Variants in THBS4 observed in about 807,000 individuals in gnomAD.
The protein encoded by THBS4 is thrombospondin-4.
THBS4 carries 90 observed loss-of-function variants against 115.7 expected under a neutral mutation model. That is an observed-to-expected ratio of 0.78 (90% CI 0.66 to 0.93). The LOEUF is 0.93. Ranked by LOEUF, THBS4 falls within the 40% of genes least tolerant of loss-of-function variation. The pLI is 0.00. For missense variants in THBS4, 1,087 were observed against 1,232.7 expected (o/e 0.88, Z 1.77); for synonymous variants, 460 against 479.3 (o/e 0.96, Z 0.53).
rs1489654407 is a variant in THBS4, at chr5:80,083,094, G to A, written c.2839G>A (p.Asp947Asn). The change falls in exon 22 of 22, where the codon GAC becomes AAC. Residue 947 changes from aspartate (D) to asparagine (N), a missense_variant. By Grantham distance (23) the Asp-to-Asn change is conservative (BLOSUM62 1). This residue lies in a region of THBS4 where 103 missense variants were observed against 108.2 expected (regional missense o/e 0.95). Coordinates refer to ENST00000350881, the MANE Select transcript of THBS4 (RefSeq NM_003248.6). The stretch of plus-strand genomic sequence containing the variant: ...TCCTATTGCAGACACCATCCCTGAG[G>A]ACTTCCAAGAGTTTCAAACCCAGAA... Reference protein sequence around the residue: ...KYRCNDTIPEDFQEFQTQNFD... With the variant: ...KYRCNDTIPENFQEFQTQNFD... The A allele has an allele frequency of 6.2e-7, 1 of 1,613,948 alleles. No individual in the cohort carries two copies. Among genetic ancestry groups the A allele is most frequent in the Admixed American group, 1.7e-5 (1 of 60,022 alleles).
At chr5:80,032,824 G>C (rs891178318), upstream of THBS4, among the ~76,000 whole-genome samples, 14 of 152,280 alleles carry the variant, frequency 9.2e-5, no homozygotes, top group South Asian at 2.5e-3. Context: ...CCAGTCCACT[G>C]ACTCAGGTGT....
intron 2 of THBS4, among the ~76,000 whole-genome samples, chr5:80,007,640 T>A (rs1181708329): frequency 6.6e-6 from 1 of 152,144 alleles, no homozygotes; most frequent in Non-Finnish European, 1.5e-5. Context: ...CTTCTTGGGG[T>A]CCATCTGCCT....
intron 2 of THBS4, among the ~76,000 whole-genome samples, chr5:80,050,156 C>A (rs771642562): frequency 6.6e-6 from 1 of 152,176 alleles, no homozygotes; most frequent in Non-Finnish European, 1.5e-5. Context: ...GTACCTGGAA[C>A]CGCCCAGTGG....
In THBS4 at chr5:80,039,998, AC is replaced by A. The variant is rs546785395; in HGVS notation, c.89-71del. The A allele has an allele frequency of 1.4e-3, 1,643 of 1,190,978 alleles. 6 individuals are homozygous for A. The African/African-American group carries it at 0.016, about 11-fold the overall frequency. The allele number at this position is 1,190,978 out of a possible 1,614,324, so 73.8% of individuals were successfully genotyped here. On this transcript the variant is annotated intron_variant, in intron 1 of 21. Coordinates refer to ENST00000350881, the MANE Select transcript of THBS4 (RefSeq NM_003248.6). ...ACTTTGTAGCTTACTGTCAAATTGC[AC>A]CCCCCCCAAACAAAGAAACCCTGTT...
intron 10 of THBS4, 45 bp from the exon 11 acceptor site, chr5:80,070,261 G>C (rs767756198): frequency 6.6e-7 from 1 of 1,505,656 alleles, no homozygotes; most frequent in South Asian, 1.3e-5. Context: ...CCAGCTTCCT[G>C]CCAGGCTCAG....
chr5:79,993,705 C>A (rs1010608057), intron 1 of THBS4, among the ~76,000 whole-genome samples: 1 of 152,202 alleles, frequency 6.6e-6, no homozygotes, highest in African/African-American at 2.4e-5. Context: ...CCATACCCAT[C>A]CTTCATGTGT....
chr5:80,058,254 G>A lies in THBS4; in HGVS notation c.589G>A (p.Val197Met). 6.3e-7 allele frequency: 1 copy of A among 1,579,366 alleles called. No homozygotes were observed. Among genetic ancestry groups the A allele is most frequent in the Non-Finnish European group, 8.6e-7 (1 of 1,161,348 alleles). The change falls in exon 4 of 22, where the codon GTG becomes ATG. Residue 197 changes from valine to methionine, a missense_variant. Val to Met is a conservative substitution (Grantham distance 21). Coordinates refer to ENST00000350881, the MANE Select transcript of THBS4 (RefSeq NM_003248.6). ...GGTGGTGAGAGGCTCACTGTTCCAG[G>A]TGGCCAGCCTGCAAGACTGCTTCCT... Reference protein sequence around the residue: ...KLVVRGSLFQVASLQDCFLQQ... With the variant: ...KLVVRGSLFQMASLQDCFLQQ...
Position 80,079,273 on chromosome 5 carries a change from A to T in THBS4, c.2511+15A>T. ...TTCAGCTCAAGGTATTGGTGGTTTG[A>T]AGTCATTCATCTCCCTTTCTTCTGG... On this transcript the variant is annotated intron_variant, in intron 19 of 21. Transcript: ENST00000350881. The T allele has an allele frequency of 8.9e-6, 14 of 1,581,572 alleles. No homozygotes were observed. Among genetic ancestry groups the T allele is most frequent in the Non-Finnish European group, 1.1e-5 (13 of 1,162,926 alleles).
At chr5:80,057,451 C>T (rs1489626696) in intron 3 of THBS4, among the ~76,000 whole-genome samples, 1 of 152,172 alleles carries the variant, frequency 6.6e-6, no homozygotes, top group Non-Finnish European at 1.5e-5. Context: ...TTTCCTGACT[C>T]TGCGGAGATT....
chr5:80,003,879 A>T (rs1381952868), intron 2 of THBS4, among the ~76,000 whole-genome samples: 2 of 152,220 alleles, frequency 1.3e-5, no homozygotes, highest in Non-Finnish European at 2.9e-5. Context: ...GAAGCTCTTC[A>T]TGTATCCCGG....
Position 80,061,785 on chromosome 5 carries a change from C to A in THBS4, c.1078C>A (p.Pro360Thr), listed in dbSNP as rs756687471. The A allele has an allele frequency of 1.9e-6, 3 of 1,613,946 alleles. 1 individual carries two copies. The South Asian group carries it at 3.3e-5, about 18-fold the overall frequency. ...CDACPVGFTGPMVQGVGISFA... is the reference protein window; with the variant it reads ...CDACPVGFTGTMVQGVGISFA... ...CGCCTGCCCAGTGGGCTTCACAGGGCCCATGGTGCAGGGTGTTGGGATCAG... is the reference window on the plus strand; with the variant it reads ...CGCCTGCCCAGTGGGCTTCACAGGGACCATGGTGCAGGGTGTTGGGATCAG... The change falls in exon 8 of 22, where the codon CCC (proline) becomes ACC (threonine). Residue 360 changes from proline to threonine, a missense_variant. Transcript: ENST00000350881.
intron 2 of THBS4, among the ~76,000 whole-genome samples, chr5:80,016,321 G>A (rs1057395457): frequency 1.3e-5 from 2 of 152,096 alleles, no homozygotes; most frequent in Non-Finnish European, 2.9e-5. Flanking sequence ...CCTAATTCTT[G>A]GGGTCACCCC....
At chr5:80,076,577 GGACT>G (rs1437765440) in intron 15 of THBS4, among the ~76,000 whole-genome samples, 5 of 152,024 alleles carry the variant, frequency 3.3e-5, no homozygotes, top group Non-Finnish European at 7.4e-5. Context: ...CAGTTCCCAG[GGACT>G]GACTGATAGG....
At chr5:80,011,392 A>C (rs1179996468) in intron 2 of THBS4, among the ~76,000 whole-genome samples, 1 of 152,158 alleles carries the variant, frequency 6.6e-6, no homozygotes, top group Non-Finnish European at 1.5e-5. Context: ...CATAGTTGCC[A>C]CGGAGGCTGG....
chr5:79,991,824 G>C (rs1298294598), intron 1 of THBS4, among the ~76,000 whole-genome samples: 1 of 152,206 alleles, frequency 6.6e-6, no homozygotes, highest in Non-Finnish European at 1.5e-5. Context: ...CCTCAAAAAT[G>C]AGCTTAACTC....
intron 20 of THBS4, among the ~76,000 whole-genome samples, chr5:80,081,140 G>A (rs1743486080): frequency 6.6e-6 from 1 of 152,254 alleles, no homozygotes; most frequent in East Asian, 1.9e-4. Flanking sequence ...TATTTAGGAA[G>A]GAGTACTGAG....
intron 18 of THBS4, 29 bp from the exon 19 acceptor site, chr5:80,079,033 A>G (rs1159250775): frequency 3.1e-6 from 5 of 1,612,412 alleles, no homozygotes. Flanking sequence ...TGGTTTGTCT[A>G]TTGTTCTAAT....
chr5:80,043,291 TAA>T (rs1236833517), intron 2 of THBS4, among the ~76,000 whole-genome samples: 1 of 152,116 alleles, frequency 6.6e-6, no homozygotes, highest in Non-Finnish European at 1.5e-5. Flanking sequence ...ACTGGAACAA[TAA>T]AAAGAAGTCA....
At chr5:80,060,746 G>A (rs1387709987) in intron 7 of THBS4, among the ~76,000 whole-genome samples, 3 of 151,972 alleles carry the variant, frequency 2.0e-5, no homozygotes, top group African/African-American at 4.8e-5. Flanking sequence ...GCACAACCCT[G>A]TCTCAAAAAA....
Sources: gnomAD v4.1 joint callset for allele counts (sites outside exome capture counted in the v4.1 genomes callset) on GRCh38, gnomAD v4.1.1 for gene constraint, gnomAD v4.1.1 regional missense constraint, MANE v1.5 for transcripts, NCBI Gene and HGNC (gene_info 2026-07-23, HGNC 2026-07-21) for gene names.